The following PABIR2 variants were observed in gnomAD, a reference collection of about 807,000 sequenced individuals.
PABIR2 encodes family with sequence similarity 122B.
A neutral mutation model predicts 22.8 loss-of-function variants in PABIR2; 7 were observed. That is an observed-to-expected ratio of 0.31 (90% CI 0.17 to 0.58). The LOEUF (loss-of-function observed/expected upper bound fraction) is 0.58. Ranked by LOEUF, PABIR2 falls within the 20% of genes least tolerant of loss-of-function variation. The pLI, the probability that PABIR2 is intolerant of heterozygous loss-of-function variation, is 0.89. For missense variants in PABIR2, 155 were observed against 205.1 expected (o/e 0.76, Z 1.49); for synonymous variants, 67 against 73.8 (o/e 0.91, Z 0.47).
At chrX:134,788,240 TAC>T (rs1158946725) in intron 6 of PABIR2, among the ~76,000 whole-genome samples, 3 of 25,192 alleles carry the variant, frequency 1.2e-4, no homozygotes, top group African/African-American at 6.2e-4. Flanking sequence ...GTGTAATATA[TAC>T]ACGTTATATA....
chrX:134,781,858 A>G lies in PABIR2; in HGVS notation c.622T>C (p.Ser208Pro), dbSNP rs41304526. 2.3e-5 allele frequency: 28 copies of G among 1,202,334 alleles called. No homozygotes were observed. The highest frequency in any genetic ancestry group is 2.9e-5 in the Non-Finnish European group (26 of 891,033). ...RLFQGTTNMLSPDAAQLSDLS... is the reference protein window; with the variant it reads ...RLFQGTTNMLPPDAAQLSDLS... Reference sequence around the variant, plus strand: ...TCAGACAGTTGCGCGGCATCTGGAGATAACATATTGGTAGTGCCTTGGAAG... The same window carrying G: ...TCAGACAGTTGCGCGGCATCTGGAGGTAACATATTGGTAGTGCCTTGGAAG... The change falls in exon 9 of 10, where the codon TCT becomes CCT. Residue 208 changes from serine (S) to proline (P), a missense_variant. Ser to Pro is a moderately conservative substitution (Grantham distance 74). Transcript: ENST00000343004.
rs766707080 is a variant in PABIR2 at position 134,794,947 on chromosome X, T to C, written c.99-1054A>G. Among the ~76,000 whole-genome samples the C allele has an allele frequency of 1.8e-4, 20 of 112,263 alleles. No individual in the cohort carries two copies. The South Asian group carries it at 7.0e-3, about 39-fold the overall frequency. ...GCTGTGTTTTCAGTGATTATTTAAA[T>C]CATGATTCAAAAAACAGTATGTTTT... On this transcript the variant is annotated intron_variant, in intron 1 of 9. Transcript: ENST00000343004.
At chrX:134,789,922 G>A (rs954914544) in intron 2 of PABIR2, among the ~76,000 whole-genome samples, 18 of 111,376 alleles carry the variant, frequency 1.6e-4, no homozygotes, top group African/African-American at 5.9e-4. Flanking sequence ...AAGACTATGG[G>A]CCTTAGAAAT....
chrX:134,794,038 C>CCT lies in PABIR2; in HGVS notation c.99-147_99-146dup, dbSNP rs1332630685. 5.5e-6 allele frequency: 6 copies of CCT among 1,086,287 alleles called. No homozygotes were observed. In the African/African-American group the frequency reaches 1.1e-4, roughly 20 times the overall value. The allele number at this position is 1,086,287 out of a possible 1,213,427, so 89.5% of individuals were successfully genotyped here. On this transcript the variant is annotated intron_variant, in intron 1 of 9. Transcript: ENST00000343004. ...CCTCATTTCATACAGAGAATGAACT[C>CCT]CTCACCGTCCTCTCTGCAGAGCTTC...
intron 9 of PABIR2, among the ~76,000 whole-genome samples, chrX:134,775,518 CAAAAAAAAAAA>C (rs773542327): frequency 4.0e-5 from 1 of 25,242 alleles, no homozygotes; most frequent in Non-Finnish European, 7.6e-5. Flanking sequence ...GACTCCGTCT[CAAAAAAAAAAA>C]AAAAAAAAAA....
intron 2 of PABIR2, among the ~76,000 whole-genome samples, chrX:134,791,968 T>C (rs1445871535): frequency 2.7e-5 from 3 of 111,878 alleles, no homozygotes; most frequent in African/African-American, 9.7e-5. Flanking sequence ...CTTCCTTCTC[T>C]TAGTCCTTAT....
chrX:134,773,469 C>T (rs770254488), intron 9 of PABIR2, among the ~76,000 whole-genome samples: 1 of 110,584 alleles, frequency 9.0e-6, no homozygotes, highest in African/African-American at 3.3e-5. Context: ...ATACAAGGGG[C>T]TATGAGAATA....
chrX:134,786,608 G>A (rs2079326819), intron 7 of PABIR2, among the ~76,000 whole-genome samples: 1 of 111,578 alleles, frequency 9.0e-6, no homozygotes, highest in Non-Finnish European at 1.9e-5. Flanking sequence ...ATTATTGTGG[G>A]GGGTATGTAT....
intron 6 of PABIR2, 111 bp downstream of exon 6, chrX:134,788,619 T>C: frequency 2.0e-6 from 1 of 497,196 alleles, no homozygotes; most frequent in Non-Finnish European, 3.1e-6. Context: ...TAGATTTTCA[T>C]TGATTTTCCT....
At chrX:134,795,957 G>C in intron 1 of PABIR2, 151 bp downstream of exon 1, 1 of 467,360 alleles carries the variant, frequency 2.1e-6, no homozygotes, top group Non-Finnish European at 3.6e-6. Flanking sequence ...TCCACCTTGG[G>C]ACCCAAGTCA....
chrX:134,787,956 C>T (rs898390433), intron 6 of PABIR2, among the ~76,000 whole-genome samples: 1 of 107,880 alleles, frequency 9.3e-6, no homozygotes, highest in African/African-American at 3.4e-5. Flanking sequence ...TCAAAAGGTT[C>T]TTTTCAAAAT....
intron 9 of PABIR2, among the ~76,000 whole-genome samples, chrX:134,775,740 G>A (rs1359206113): frequency 1.8e-5 from 2 of 110,108 alleles, no homozygotes; most frequent in Non-Finnish European, 3.8e-5. Flanking sequence ...ATGACGGGCA[G>A]GTAAATGCAC....
intron 7 of PABIR2, among the ~76,000 whole-genome samples, chrX:134,786,431 T>G (rs2079317261): frequency 9.1e-6 from 1 of 109,782 alleles, no homozygotes; most frequent in African/African-American, 3.3e-5. Flanking sequence ...GACAGGAGAA[T>G]CACTTGAACC....
Position 134,770,725 on chromosome X carries a change from T to C in PABIR2, c.*1414A>G, listed in dbSNP as rs1253293994. 1 of 113,007 alleles carries C rather than the reference T, an allele frequency of 8.8e-6. No homozygotes were observed. The highest frequency in any genetic ancestry group is 1.9e-5 in the Non-Finnish European group (1 of 53,362). The allele number at this position is 113,007 out of a possible 1,213,427, so 9.3% of individuals were successfully genotyped here. ...TCACGACAGACATTTTACCTAGTTA[T>C]AAATAACGTAACAATAGATCACACT... On this transcript the variant is annotated 3_prime_UTR_variant, in exon 10 of 10. Coordinates refer to ENST00000343004, the MANE Select transcript of PABIR2 (RefSeq NM_001387468.1).
In PABIR2 at chrX:134,788,782, A is replaced by G. The variant is rs1224694017; in HGVS notation, c.383T>C (p.Ile128Thr). The G allele has an allele frequency of 1.7e-6, 2 of 1,207,433 alleles. No homozygotes were observed. Among genetic ancestry groups the G allele is most frequent in the African/African-American group, 1.8e-5 (1 of 56,771 alleles). ...KPEKLYSPKR[I>T]DFTPVSPAPS... ...TGCTGGAGAAACTGGAGTGAAGTCAATTCTCTTAGGAGAATATAATTTCTC... is the reference window on the plus strand; with the variant it reads ...TGCTGGAGAAACTGGAGTGAAGTCAGTTCTCTTAGGAGAATATAATTTCTC... The change falls in exon 6 of 10, where the codon ATT (isoleucine) becomes ACT (threonine). Residue 128 changes from isoleucine to threonine, a missense_variant. Physicochemically the swap from Ile to Thr is moderately conservative, Grantham distance 89. Coordinates refer to ENST00000343004, the MANE Select transcript of PABIR2 (RefSeq NM_001387468.1).
At chrX:134,783,846 G>A (rs2079223384) in intron 8 of PABIR2, among the ~76,000 whole-genome samples, 1 of 111,671 alleles carries the variant, frequency 9.0e-6, no homozygotes, top group African/African-American at 3.3e-5. Flanking sequence ...GCCAAGGCAG[G>A]TGGATCACTT....
chrX:134,782,049 T>C, intron 8 of PABIR2, 132 bp from the exon 9 acceptor site: 2 of 388,755 alleles, frequency 5.1e-6, no homozygotes, highest in Non-Finnish European at 8.5e-6. Context: ...TATTTTCCCA[T>C]GTGCTTTAAC....
intron 8 of PABIR2, among the ~76,000 whole-genome samples, chrX:134,785,247 C>T (rs996216798): frequency 2.7e-5 from 3 of 111,895 alleles, no homozygotes; most frequent in Admixed American, 1.9e-4. Context: ...GAGAGCAATG[C>T]TGTTAGCTCA....
chrX:134,777,141 T>G (rs2078999883), intron 9 of PABIR2, among the ~76,000 whole-genome samples: 1 of 112,206 alleles, frequency 8.9e-6, no homozygotes, highest in East Asian at 2.8e-4. Flanking sequence ...TTGCCAACCT[T>G]GGTAGCAGAA....
Sources: allele counts gnomAD v4.1 joint callset (sites outside exome capture counted in the v4.1 genomes callset), GRCh38; gene constraint gnomAD v4.1.1; transcripts MANE v1.5; gene names NCBI Gene and HGNC (gene_info 2026-07-23, HGNC 2026-07-21).